NKAIN3: variants seen among roughly 807,000 people sequenced by gnomAD.
NKAIN3 encodes the protein sodium/potassium-transporting ATPase subunit beta-1-interacting protein 3.
Under a neutral mutation model 30.2 loss-of-function variants are expected in NKAIN3, and 25 were observed. The observed-to-expected ratio is 0.83, with a 90% CI of 0.60 to 1.16. NKAIN3 has a LOEUF of 1.16. Ranked by LOEUF, NKAIN3 falls within the 50% of genes most tolerant of loss-of-function variation. The pLI is 0.00. For missense variants in NKAIN3, 225 were observed against 254.1 expected, an observed-to-expected ratio of 0.89 and a Z score of 0.78; for synonymous variants, 91 against 89.6, an observed-to-expected ratio of 1.02 and a Z score of -0.09.
In NKAIN3 at chr8:62,564,934, A is replaced by G. The variant is rs567792990; in HGVS notation, c.55-14605A>G. Among the ~76,000 whole-genome samples, 5 of 152,314 alleles carry G rather than the reference A, an allele frequency of 3.3e-5. No homozygotes were observed. The South Asian group carries it at 1.0e-3, about 32-fold the overall frequency. On this transcript the variant is annotated intron_variant, in intron 1 of 6. Transcript: ENST00000623646. ...CACCATTCAGAGGTAACTTAGATAT[A>G]TGGATTTAATATTGTATGTTTCCAT... is the stretch of plus-strand genomic sequence containing the variant.
intron 1 of NKAIN3, among the ~76,000 whole-genome samples, chr8:62,454,419 T>C (rs1805752514): frequency 6.6e-6 from 1 of 151,612 alleles, no homozygotes; most frequent in Admixed American, 6.6e-5. Context: ...GGGCCGTGGG[T>C]TGGATTGGAC....
At chr8:62,929,959 C>T (rs1056244101) in intron 5 of NKAIN3, among the ~76,000 whole-genome samples, 1 of 152,156 alleles carries the variant, frequency 6.6e-6, no homozygotes, top group African/African-American at 2.4e-5. Flanking sequence ...GACACCACTG[C>T]TCTAGATGCT....
intron 4 of NKAIN3, among the ~76,000 whole-genome samples, chr8:62,752,757 T>C (rs1816327148): frequency 6.6e-6 from 1 of 152,172 alleles, no homozygotes; most frequent in African/African-American, 2.4e-5. Context: ...ATTGAGTAAA[T>C]TGTTGTATAC....
chr8:62,730,518 T>A (rs1563535605), intron 3 of NKAIN3, among the ~76,000 whole-genome samples: 1 of 152,162 alleles, frequency 6.6e-6, no homozygotes, highest in Non-Finnish European at 1.5e-5. Context: ...TAATGTATTA[T>A]TTCTATAAGT....
intron 1 of NKAIN3, among the ~76,000 whole-genome samples, chr8:62,481,692 T>C (rs888496870): frequency 6.6e-6 from 1 of 152,134 alleles, no homozygotes; most frequent in African/African-American, 2.4e-5. Flanking sequence ...AACCAAGACT[T>C]AAAAATAATT....
chr8:62,331,691 T>C (rs1054667648), intron 1 of NKAIN3, among the ~76,000 whole-genome samples: 1 of 152,254 alleles, frequency 6.6e-6, no homozygotes, highest in African/African-American at 2.4e-5. Context: ...TTAGATACAC[T>C]GGAAAGTGAA....
intron 1 of NKAIN3, among the ~76,000 whole-genome samples, chr8:62,433,762 T>C (rs1160546620): frequency 6.6e-6 from 1 of 152,172 alleles, no homozygotes; most frequent in East Asian, 1.9e-4. Flanking sequence ...GTTATTTAAA[T>C]TAATTGGATT....
chr8:62,796,827 A>AAC (rs1203545794), intron 4 of NKAIN3, among the ~76,000 whole-genome samples: 2 of 75,926 alleles, frequency 2.6e-5, no homozygotes, highest in Non-Finnish European at 7.9e-5. Context: ...AATACTCATG[A>AAC]ACACACATTG....
At chr8:62,877,590 T>C (rs1327420659) in intron 4 of NKAIN3, among the ~76,000 whole-genome samples, 1 of 152,216 alleles carries the variant, frequency 6.6e-6, no homozygotes, top group African/African-American at 2.4e-5. Flanking sequence ...AGACACCTCA[T>C]TTCCTGGTTG....
At chr8:62,831,358 C>A (rs1472469434) in intron 4 of NKAIN3, among the ~76,000 whole-genome samples, 2 of 152,142 alleles carry the variant, frequency 1.3e-5, no homozygotes, top group Non-Finnish European at 2.9e-5. Context: ...AAGAATCACA[C>A]TAGCTCTCCA....
At chr8:62,881,042 A>C (rs752120768) in intron 4 of NKAIN3, among the ~76,000 whole-genome samples, 3 of 152,172 alleles carry the variant, frequency 2.0e-5, no homozygotes, top group Non-Finnish European at 2.9e-5. Context: ...AAAAAATAAA[A>C]TGTTTAATTA....
rs1420707123 is a variant in NKAIN3 at position 62,975,688 on chromosome 8, G to C, written c.*10281G>C. 6.6e-6 allele frequency among the ~76,000 whole-genome samples: 1 copy of C among 151,988 alleles called. No homozygotes were observed. Among genetic ancestry groups the C allele is most frequent in the East Asian group, 1.9e-4 (1 of 5,192 alleles). On this transcript the variant is annotated 3_prime_UTR_variant, in exon 7 of 7. Coordinates refer to ENST00000623646, the MANE Select transcript of NKAIN3 (RefSeq NM_001304533.3). The stretch of plus-strand genomic sequence containing the variant: ...TCTGTTCTGATCTTAGTTATTTCTT[G>C]TCTTCTGCTAGCTTTTGAAATAGTC...
intron 1 of NKAIN3, among the ~76,000 whole-genome samples, chr8:62,287,962 C>T (rs891343516): frequency 2.0e-5 from 3 of 152,268 alleles, no homozygotes; most frequent in African/African-American, 2.4e-5. Flanking sequence ...CTAGTTTCCA[C>T]GTGTTTTCTC....
At chr8:62,809,947 G>A (rs978473125) in intron 4 of NKAIN3, among the ~76,000 whole-genome samples, 4 of 152,132 alleles carry the variant, frequency 2.6e-5, no homozygotes, top group Non-Finnish European at 4.4e-5. Flanking sequence ...AAAGGAGATA[G>A]AATAATTGTA....
At chr8:62,780,769 T>G (rs1166527768) in intron 4 of NKAIN3, among the ~76,000 whole-genome samples, 1 of 151,860 alleles carries the variant, frequency 6.6e-6, no homozygotes, top group African/African-American at 2.4e-5. Context: ...AACTAAAAGT[T>G]AGGCATAGAA....
chr8:62,641,145 C>G (rs1437705121), intron 3 of NKAIN3, among the ~76,000 whole-genome samples: 1 of 152,038 alleles, frequency 6.6e-6, no homozygotes, highest in Non-Finnish European at 1.5e-5. Context: ...GAATCAGAAT[C>G]TACACTTTAA....
At chr8:62,647,406 G>A (rs1812497233) in intron 3 of NKAIN3, among the ~76,000 whole-genome samples, 1 of 152,158 alleles carries the variant, frequency 6.6e-6, no homozygotes, top group Non-Finnish European at 1.5e-5. Flanking sequence ...TGAGCAAGGT[G>A]GACAGAGAAC....
chr8:62,835,175 T>C (rs1819321743), intron 4 of NKAIN3, among the ~76,000 whole-genome samples: 1 of 149,334 alleles, frequency 6.7e-6, no homozygotes, highest in Non-Finnish European at 1.5e-5. Context: ...ATACTGAAAA[T>C]GGATTAAATA....
At chr8:62,309,080 A>G (rs2129588512) in intron 1 of NKAIN3, among the ~76,000 whole-genome samples, 1 of 150,602 alleles carries the variant, frequency 6.6e-6, no homozygotes, top group Non-Finnish European at 1.5e-5. Context: ...TAATTTTAAG[A>G]CTGAAAATAT....
Sources: gnomAD v4.1 joint callset for allele counts (sites outside exome capture counted in the v4.1 genomes callset) on GRCh38, gnomAD v4.1.1 for gene constraint, MANE v1.5 for transcripts, NCBI Gene and HGNC (gene_info 2026-07-23, HGNC 2026-07-21) for gene names.